The following TSPYL2 variants were observed in gnomAD, a reference collection of about 807,000 sequenced individuals.
TSPYL2 encodes TSPY like 2.
In TSPYL2, 9 loss-of-function variants were observed where a neutral mutation model predicts 33.0. That is an observed-to-expected ratio of 0.27 (90% CI 0.16 to 0.48). The LOEUF (loss-of-function observed/expected upper bound fraction) is 0.48. TSPYL2 is among the 20% of genes least tolerant of loss of function. TSPYL2 has a pLI of 0.99. For synonymous variants in TSPYL2, 330 were observed against 233.6 expected (o/e 1.41, Z -3.77); for missense variants, 636 against 586.2 (o/e 1.08, Z -0.88).
Position 53,083,060 on chromosome X carries a change from A to AGGCGGC in TSPYL2, c.574_579dup (p.Arg194_Arg195dup), listed in dbSNP as rs781796529. 5.8e-6 allele frequency: 7 copies of AGGCGGC among 1,201,718 alleles called. No homozygotes were observed. The highest frequency in any genetic ancestry group is 3.5e-5 in the African/African-American group (2 of 56,542). On this transcript the variant is annotated inframe_insertion, in exon 1 of 7. Transcript: ENST00000375442. ...GCGGGAGAGTATGAGGAGCAGCAGG[A>AGGCGGC]GGCGGCGGCGGCGGCGGAGGAGGAA...
In TSPYL2 at chrX:53,087,968, C is replaced by T; in HGVS notation, c.*29C>T. On this transcript the variant is annotated 3_prime_UTR_variant, in exon 7 of 7. Transcript: ENST00000375442. Reference sequence around the variant, plus strand: ...TTTTCCCCTTTTGGGGATCACCTCTCTGTATCCCCCACCCACTATCCCATT... The same window carrying T: ...TTTTCCCCTTTTGGGGATCACCTCTTTGTATCCCCCACCCACTATCCCATT... The T allele has an allele frequency of 8.4e-7, 1 of 1,194,140 alleles. No individual in the cohort carries two copies. Among genetic ancestry groups the T allele is most frequent in the Non-Finnish European group, 1.1e-6 (1 of 882,119 alleles).
chrX:53,086,756 C>T (rs1932772287), intron 6 of TSPYL2: 1 of 114,471 alleles, frequency 8.7e-6, no homozygotes, highest in Non-Finnish European at 1.5e-5. Context: ...AGTTCTACCT[C>T]AAGAATCGGG....
Position 53,082,834 on chromosome X carries a change from G to A in TSPYL2, c.336G>A (p.Thr112=). ...ESGYGEAPPP[T]ESLEALPTPE... is the part of the protein sequence containing the mutation. ...GGTATGGGGAGGCGCCCCCGCCCAC[G>A]GAGAGCCTGGAAGCACTCCCCACTC... The change falls in exon 1 of 7, where the codon ACG becomes ACA. Residue 112 remains threonine (T), a synonymous_variant. Coordinates refer to ENST00000375442, the MANE Select transcript of TSPYL2 (RefSeq NM_022117.4). 1 of 1,205,051 alleles carries A rather than the reference G, an allele frequency of 8.3e-7. No individual in the cohort carries two copies. Among genetic ancestry groups the A allele is most frequent in the Non-Finnish European group, 1.1e-6 (1 of 892,783 alleles).
Position 53,082,786 on chromosome X carries a change from C to T in TSPYL2, c.288C>T (p.Gly96=). 8.3e-7 allele frequency: 1 copy of T among 1,197,944 alleles called. No homozygotes were observed. ...TCACGCTCGGTGCTGAGTGTCCCGG[C>T]TGGGATTCTACCATCGAGTCGGGGT... The part of the protein sequence containing the change: ...AYFTLGAECP[G]WDSTIESGYG... The change falls in exon 1 of 7, where the codon GGC becomes GGT. Residue 96 remains glycine, a synonymous_variant. Transcript: ENST00000375442.
intron 1 of TSPYL2, 76 bp downstream of exon 1, chrX:53,083,381 G>A (rs1234779160): frequency 1.9e-5 from 19 of 995,544 alleles, no homozygotes; most frequent in Non-Finnish European, 2.6e-5. Context: ...GACAGAAAAG[G>A]TAAAGCGGGT....
rs782629513 is a variant in TSPYL2, at chrX:53,086,770, G to T, written c.1918+460G>T. On this transcript the variant is annotated intron_variant, in intron 6 of 6. Coordinates refer to ENST00000375442, the MANE Select transcript of TSPYL2 (RefSeq NM_022117.4). ...CAGTTCTACCTCAAGAATCGGGGTG[G>T]GGGGGGTGGCGGGGGAAGAGCTAGA... 203 of 141,517 alleles carry T rather than the reference G, an allele frequency of 1.4e-3. 1 individual carries two copies. Among genetic ancestry groups the T allele is most frequent in the African/African-American group, 5.6e-3 (166 of 29,784 alleles). The allele number at this position is 141,517 out of a possible 1,213,427, so 11.7% of individuals were successfully genotyped here. A position where few individuals can be genotyped will look rare whatever the true frequency, so the allele number is the denominator to read the frequency against.
intron 1 of TSPYL2, 42 bp downstream of exon 1, chrX:53,083,347 C>T (rs781819000): frequency 8.9e-7 from 1 of 1,123,057 alleles, no homozygotes; most frequent in South Asian, 1.9e-5. Context: ...AAGCCCGTGA[C>T]AGGAAAGGGG....
In TSPYL2 at chrX:53,088,217, TACCC is replaced by T. The variant is rs1229609038; in HGVS notation, c.*281_*284del. On this transcript the variant is annotated 3_prime_UTR_variant, in exon 7 of 7. Transcript: ENST00000375442. The stretch of plus-strand genomic sequence containing the variant: ...TGTGATGCCTTGGTCAGGGCCCCTC[TACCC>T]ACTTCTCCCAGTCAGTTGTGGCCCC... The T allele has an allele frequency of 9.8e-6, 3 of 306,097 alleles. No homozygotes were observed. Among genetic ancestry groups the T allele is most frequent in the African/African-American group, 7.9e-5 (3 of 38,111 alleles). 25.2% of individuals were successfully genotyped at this position (306,097 alleles called of 1,213,427 possible). A position where few individuals can be genotyped will look rare whatever the true frequency, so the allele number is the denominator to read the frequency against.
Position 53,085,750 on chromosome X carries a change from C to G in TSPYL2, c.1358C>G (p.Ser453Cys). 3 of 1,211,283 alleles carry G rather than the reference C, an allele frequency of 2.5e-6. No homozygotes were observed. The highest frequency in any genetic ancestry group is 3.4e-6 in the Non-Finnish European group (3 of 895,260). Residue 453 changes from serine to cysteine, a missense_variant, in exon 6 of 7, where the codon TCT becomes TGT. Around this residue, in one of 3 missense-constraint regions of TSPYL2, gnomAD observed 401 missense variants for 363.0 expected, o/e 1.10. Coordinates refer to ENST00000375442, the MANE Select transcript of TSPYL2 (RefSeq NM_022117.4). ...GAGACAATTCATGACATCAAGATCT[C>G]TGACTTCATGGAGACCACCGACTAC... is the stretch of plus-strand genomic sequence containing the variant. ...IDETIHDIKI[S>C]DFMETTDYFE...
chrX:53,083,212 G>T lies in TSPYL2; in HGVS notation c.714G>T (p.Leu238=). The change falls in exon 1 of 7, where the codon CTG becomes CTT. Residue 238 remains leucine, a synonymous_variant. Coordinates refer to ENST00000375442, the MANE Select transcript of TSPYL2 (RefSeq NM_022117.4). ...ACATCAAGGCAGGCAAAGCCTTCCTGCGTCTCAAGCGCAAGTTCATCCAGA... is the reference window on the plus strand; with the variant it reads ...ACATCAAGGCAGGCAAAGCCTTCCTTCGTCTCAAGCGCAAGTTCATCCAGA... ...AVNIKAGKAF[L]RLKRKFIQMR... 1 of 1,211,219 alleles carries T rather than the reference G, an allele frequency of 8.3e-7. No individual in the cohort carries two copies. Among genetic ancestry groups the T allele is most frequent in the Non-Finnish European group, 1.1e-6 (1 of 895,289 alleles).
Position 53,086,298 on chromosome X carries a change from G to A in TSPYL2, c.1906G>A (p.Gly636Ser). Residue 636 changes from glycine (G) to serine (S), a missense_variant, in exon 6 of 7, where the codon GGC becomes AGC. Gly to Ser is a moderately conservative substitution (Grantham distance 56). Coordinates refer to ENST00000375442, the MANE Select transcript of TSPYL2 (RefSeq NM_022117.4). The stretch of plus-strand genomic sequence containing the variant: ...CTCAGACGAATCAGTGGAAGAAGAG[G>A]GCATTGAGGAAGGTGAGCTAATCCC... ...IISDESVEEE[G>S]IEEGIQQDED... 2 of 1,205,420 alleles carry A rather than the reference G, an allele frequency of 1.7e-6. No homozygotes were observed. The highest frequency in any genetic ancestry group is 2.2e-6 in the Non-Finnish European group (2 of 892,435).
Position 53,087,969 on chromosome X carries a change from T to C in TSPYL2, c.*30T>C, listed in dbSNP as rs1556809239. 1 of 1,194,435 alleles carries C rather than the reference T, an allele frequency of 8.4e-7. No individual in the cohort carries two copies. Among genetic ancestry groups the C allele is most frequent in the Non-Finnish European group, 1.1e-6 (1 of 882,434 alleles). On this transcript the variant is annotated 3_prime_UTR_variant, in exon 7 of 7. Transcript: ENST00000375442. ...TTTCCCCTTTTGGGGATCACCTCTCTGTATCCCCCACCCACTATCCCATTT... is the reference window on the plus strand; with the variant it reads ...TTTCCCCTTTTGGGGATCACCTCTCCGTATCCCCCACCCACTATCCCATTT...
chrX:53,087,816 T>C lies in TSPYL2; in HGVS notation c.1959T>C (p.Tyr653=). 8.3e-7 allele frequency: 1 copy of C among 1,211,292 alleles called. No individual in the cohort carries two copies. The highest frequency in any genetic ancestry group is 1.1e-6 in the Non-Finnish European group (1 of 895,095). Residue 653 remains tyrosine (Y), a synonymous_variant, in exon 7 of 7, where the codon TAT becomes TAC. Transcript: ENST00000375442. ...QDEDIYEEGN[Y]EEEGSEDVWE... is the part of the protein sequence containing the mutation. ...AGGACATCTATGAGGAAGGAAACTA[T>C]GAGGAGGAAGGAAGTGAAGATGTCT...
chrX:53,083,197 A>G lies in TSPYL2; in HGVS notation c.699A>G (p.Ala233=), dbSNP rs1476940130. The change falls in exon 1 of 7, where the codon GCA becomes GCG. Residue 233 remains alanine (A), a synonymous_variant. Coordinates refer to ENST00000375442, the MANE Select transcript of TSPYL2 (RefSeq NM_022117.4). ...QLDLEAVNIK[A]GKAFLRLKRK... ...ATCTGGAGGCAGTGAACATCAAGGC[A>G]GGCAAAGCCTTCCTGCGTCTCAAGC... 8.3e-7 allele frequency: 1 copy of G among 1,209,243 alleles called. No homozygotes were observed. The highest frequency in any genetic ancestry group is 1.8e-5 in the African/African-American group (1 of 56,901).
intron 6 of TSPYL2, 64 bp downstream of exon 6, chrX:53,086,374 G>A: frequency 9.3e-7 from 1 of 1,077,854 alleles, no homozygotes; most frequent in Non-Finnish European, 1.3e-6. Flanking sequence ...GCCTGGCCAA[G>A]GACAGGGTAT....
At chrX:53,086,571 CAGTG>C (rs1267878261) in intron 6 of TSPYL2, 16 of 403,644 alleles carry the variant, frequency 4.0e-5, no homozygotes, top group Middle Eastern at 6.1e-4. Flanking sequence ...AGATAGGAGA[CAGTG>C]GGTGGAAAAC....
chrX:53,083,689 AACTG>A (rs1311341175), intron 1 of TSPYL2, among the ~76,000 whole-genome samples: 2 of 110,932 alleles, frequency 1.8e-5, no homozygotes, highest in East Asian at 5.7e-4. Flanking sequence ...GTAGAAGATG[AACTG>A]ACTCAGAGAC....
intron 1 of TSPYL2, among the ~76,000 whole-genome samples, chrX:53,084,274 A>C (rs1932702614): frequency 8.9e-6 from 1 of 112,255 alleles, no homozygotes; most frequent in Non-Finnish European, 1.9e-5. Flanking sequence ...TTAAGCCCCC[A>C]GACGTGCATT....
Position 53,084,548 on chromosome X carries a change from C to G in TSPYL2, c.811C>G (p.Leu271Val). Residue 271 changes from leucine to valine, a missense_variant, in exon 2 of 7, where the codon CTC (leucine) becomes GTC (valine). By Grantham distance (32) the Leu-to-Val change is conservative (BLOSUM62 1). Coordinates refer to ENST00000375442, the MANE Select transcript of TSPYL2 (RefSeq NM_022117.4). ...HIPGFWVKAF[L>V]NHPRISILIN... ...CCTAAACTGCTCCACTCATCAGTTC[C>G]TCAACCACCCCAGAATTTCAATTTT... is the stretch of plus-strand genomic sequence containing the variant. 1 of 1,169,472 alleles carries G rather than the reference C, an allele frequency of 8.6e-7. No individual in the cohort carries two copies. Among genetic ancestry groups the G allele is most frequent in the Non-Finnish European group, 1.1e-6 (1 of 873,203 alleles).
Sources: gnomAD v4.1 joint callset for allele counts (sites outside exome capture counted in the v4.1 genomes callset) on GRCh38, gnomAD v4.1.1 for gene constraint, gnomAD v4.1.1 regional missense constraint, MANE v1.5 for transcripts, NCBI Gene and HGNC (gene_info 2026-07-23, HGNC 2026-07-21) for gene names.